KCNC4: variants seen among roughly 807,000 people sequenced by gnomAD.
KCNC4 encodes voltage-gated potassium channel KCNC4.
In KCNC4, 23 loss-of-function variants were observed where a neutral mutation model predicts 42.8. That is an observed-to-expected ratio of 0.54 (90% CI 0.39 to 0.76). The LOEUF is 0.76. Among genes scored for constraint, KCNC4 ranks in the 30% least tolerant of loss-of-function variants. The probability of loss-of-function intolerance (pLI) is 0.00; values close to 1 mark genes in which losing one functional copy is unlikely to be tolerated. For missense variants in KCNC4, 751 were observed against 898.2 expected (o/e 0.84, Z 2.10); for synonymous variants, 422 against 393.5 (o/e 1.07, Z -0.86).
downstream of KCNC4, chr1:110,236,975 AT>A (rs1226717870): frequency 6.6e-6 from 1 of 152,108 alleles, no homozygotes; most frequent in East Asian, 1.9e-4. Context: ...TAGTAGGTAT[AT>A]ATAAGAACCT....
chr1:110,257,908 G>A (rs4142052), intron 1 of KCNC4, among the ~76,000 whole-genome samples: 47,324 of 151,950 alleles, frequency 0.31, 7,866 homozygotes, highest in Non-Finnish European at 0.37. Flanking sequence ...ATTTCAGGCA[G>A]GAAAAGTGAG....
intron 1 of KCNC4, among the ~76,000 whole-genome samples, chr1:110,256,308 C>T (rs1008865211): frequency 1.3e-5 from 2 of 152,208 alleles, no homozygotes; most frequent in East Asian, 3.8e-4. Flanking sequence ...ACCAGAAGAG[C>T]ACCCAGATCT....
Position 110,219,366 on chromosome 1 carries a change from G to A in KCNC4, c.679-3598G>A, listed in dbSNP as rs536905664. On this transcript the variant is annotated intron_variant, in intron 1 of 3. Transcript: ENST00000438661. ...TTAATCCTACCGTAACACTGTGAAG[G>A]GGGTACTAGTACTGTCCCCATTTTA... Among the ~76,000 whole-genome samples, 18 of 152,228 alleles carry A rather than the reference G, an allele frequency of 1.2e-4. No individual in the cohort carries two copies. In the South Asian group the frequency reaches 3.7e-3, roughly 32 times the overall value.
Position 110,223,352 on chromosome 1 carries a change from G to A in KCNC4, c.1067G>A (p.Arg356His). 3.1e-6 allele frequency: 5 copies of A among 1,613,832 alleles called. No homozygotes were observed. The highest frequency in any genetic ancestry group is 4.2e-6 in the Non-Finnish European group (5 of 1,179,898). ...LRVVRFVRIL[R>H]IFKLTRHFVG... The stretch of plus-strand genomic sequence containing the variant: ...GTGGTGCGCTTCGTGCGCATCCTGC[G>A]TATCTTCAAGCTCACACGCCACTTC... Residue 356 changes from arginine (R) to histidine (H), a missense_variant, in exon 2 of 4, where the codon CGT (arginine) becomes CAT (histidine). Physicochemically the swap from Arg to His is conservative, Grantham distance 29 (BLOSUM62 0). Transcript: ENST00000438661. This position sits in a 1 kb window ranked among gnomAD's most constrained non-coding sequence, Gnocchi z 7.5.
At chr1:110,212,367 GC>G (rs1657526710) in intron 1 of KCNC4, among the ~76,000 whole-genome samples, 190 bp downstream of exon 1, 1 of 152,136 alleles carries the variant, frequency 6.6e-6, no homozygotes, top group East Asian at 1.9e-4. Context: ...TCCCCTGCAC[GC>G]TCCATCAGGA....
intron 1 of KCNC4, among the ~76,000 whole-genome samples, chr1:110,274,119 T>C (rs1367996913): frequency 6.6e-6 from 1 of 152,196 alleles, no homozygotes; most frequent in Non-Finnish European, 1.5e-5. Context: ...AACTCTTAGA[T>C]TTGATAAATA....
chr1:110,227,467 C>A (rs572562072), intron 3 of KCNC4, among the ~76,000 whole-genome samples: 19 of 152,212 alleles, frequency 1.2e-4, no homozygotes, highest in Non-Finnish European at 2.5e-4. Flanking sequence ...TGATCTGGTG[C>A]CTAGAAGGAA....
At position 110,211,718 on chromosome 1, in the gene KCNC4, G is replaced by GC. The variant is rs1657466236; in HGVS notation, c.222dup (p.Glu75ArgfsTer9). 1 of 1,608,192 alleles carries GC rather than the reference G, an allele frequency of 6.2e-7. No individual in the cohort carries two copies. The highest frequency in any genetic ancestry group is 1.3e-5 in the African/African-American group (1 of 74,844). ...TGGCCGACCCCGACGGCGGGGGCCG[G>GC]CCCGAGACCGATGGCGGCGGTGTGG... On this transcript the variant is annotated frameshift_variant, in exon 1 of 4. Transcript: ENST00000438661. LOFTEE classifies it high-confidence loss of function. The surrounding 1 kb of genome is among the most constrained non-coding windows in gnomAD (Gnocchi z 6.5).
At position 110,226,087 on chromosome 1, in the gene KCNC4, C is replaced by T. The variant is rs1224129948; in HGVS notation, c.1728C>T (p.Arg576=). ...CCGAGGAGCGCCGGGCCCTGCGACG[C>T]TCCACCACTCGAGACAGAAACAAGA... ...PTPEERRALR[R]STTRDRNKKA... is the part of the protein sequence containing the mutation. Residue 576 remains arginine (R), a synonymous_variant, in exon 3 of 4, where the codon CGC becomes CGT. Coordinates refer to ENST00000438661, the MANE Select transcript of KCNC4 (RefSeq NM_001039574.3). 1.2e-6 allele frequency: 2 copies of T among 1,614,030 alleles called. No homozygotes were observed. The highest frequency in any genetic ancestry group is 8.5e-7 in the Non-Finnish European group (1 of 1,180,016).
At chr1:110,215,665 G>A (rs1356328708) in intron 1 of KCNC4, among the ~76,000 whole-genome samples, 1 of 152,226 alleles carries the variant, frequency 6.6e-6, no homozygotes, top group Non-Finnish European at 1.5e-5. Flanking sequence ...AGCTCCAGCA[G>A]GGTCTTCCCC....
Position 110,212,064 on chromosome 1 carries a change from C to T in KCNC4, c.565C>T (p.Leu189=), listed in dbSNP as rs1202309949. 2 of 1,555,186 alleles carry T rather than the reference C, an allele frequency of 1.3e-6. No homozygotes were observed. The highest frequency in any genetic ancestry group is 1.7e-6 in the Non-Finnish European group (2 of 1,155,918). ...DDERELALQR[L]GPHEGGAGHG... is the part of the protein sequence containing the mutation. ...TGAGCGGGAGCTGGCCCTGCAGCGACTGGGCCCCCACGAGGGAGGCGCGGG... is the reference window on the plus strand; with the variant it reads ...TGAGCGGGAGCTGGCCCTGCAGCGATTGGGCCCCCACGAGGGAGGCGCGGG... The change falls in exon 1 of 4, where the codon CTG becomes TTG. Residue 189 remains leucine (L), a synonymous_variant. Coordinates refer to ENST00000438661, the MANE Select transcript of KCNC4 (RefSeq NM_001039574.3).
chr1:110,224,355 T>C (rs1658277741), intron 2 of KCNC4: 1 of 164,928 alleles, frequency 6.1e-6, no homozygotes, highest in African/African-American at 2.4e-5. Flanking sequence ...TGTCAGGTAC[T>C]GTCAATATTA....
At position 110,226,157 on chromosome 1, in the gene KCNC4, G is replaced by A. The variant is rs777571978; in HGVS notation, c.1798G>A (p.Ala600Thr). The change falls in exon 3 of 4, where the codon GCC (alanine) becomes ACC (threonine). Residue 600 changes from alanine to threonine, a missense_variant. By Grantham distance (58) the Ala-to-Thr change is moderately conservative (BLOSUM62 0). Coordinates refer to ENST00000438661, the MANE Select transcript of KCNC4 (RefSeq NM_001039574.3). ...FLLSTGDYAC[A>T]DGSVRKETCQ... is the part of the protein sequence containing the mutation. ...GCTCAGCACTGGGGACTATGCCTGC[G>A]CCGATGGTAGTGTCCGGAAAGGTAT... 1.1e-5 allele frequency: 17 copies of A among 1,614,110 alleles called. No individual in the cohort carries two copies. The highest frequency in any genetic ancestry group is 4.5e-5 in the East Asian group (2 of 44,850).
intron 3 of KCNC4, 185 bp from the exon 4 acceptor site, chr1:110,232,726 C>G: frequency 6.6e-7 from 1 of 1,517,256 alleles, no homozygotes; most frequent in Non-Finnish European, 8.8e-7. Context: ...CTCATGCCTT[C>G]CAGCTCTGCT....
At chr1:110,232,664 A>T in intron 3 of KCNC4, 1 of 1,458,460 alleles carries the variant, frequency 6.9e-7, no homozygotes, top group Non-Finnish European at 9.0e-7. Flanking sequence ...TGAAGGGTTC[A>T]CCCCATTCCC....
chr1:110,236,169 G>A (rs1658901023), downstream of KCNC4: 1 of 152,232 alleles, frequency 6.6e-6, no homozygotes, highest in African/African-American at 2.4e-5. Flanking sequence ...AAGAGGGGAT[G>A]ATTATACCTA....
intron 1 of KCNC4, among the ~76,000 whole-genome samples, chr1:110,271,340 T>G (rs1659631486): frequency 1.3e-5 from 2 of 152,116 alleles, no homozygotes; most frequent in Non-Finnish European, 2.9e-5. Context: ...AGGGGAGAGA[T>G]CTGAAGCTTA....
chr1:110,238,803 A>G (rs888407173), downstream of KCNC4: 11 of 152,324 alleles, frequency 7.2e-5, no homozygotes, highest in African/African-American at 2.6e-4. Context: ...TTTTTCGTGC[A>G]TTAAATCTTT....
At chr1:110,264,991 G>A (rs917235029) in intron 1 of KCNC4, among the ~76,000 whole-genome samples, 2 of 150,508 alleles carry the variant, frequency 1.3e-5, no homozygotes, top group Non-Finnish European at 2.9e-5. Context: ...TGGGGCGGGA[G>A]AATCACTTGA....
Sources: allele counts gnomAD v4.1 joint callset (sites outside exome capture counted in the v4.1 genomes callset), GRCh38; gene constraint gnomAD v4.1.1; non-coding constraint Gnocchi (gnomAD v3.1); transcripts MANE v1.5; gene names NCBI Gene and HGNC (gene_info 2026-07-23, HGNC 2026-07-21).